Variants in TMEM167A observed in about 807,000 individuals in gnomAD.
TMEM167A encodes the protein protein kish-A.
In TMEM167A, 8 loss-of-function variants were observed where a neutral mutation model predicts 11.6. The observed-to-expected ratio is 0.69, with a 90% CI of 0.40 to 1.24. The LOEUF is 1.24. Ranked by LOEUF, TMEM167A falls within the 50% of genes most tolerant of loss-of-function variation. The pLI is 0.01. For synonymous variants in TMEM167A, 22 were observed against 28.0 expected (o/e 0.79, Z 0.67); for missense variants, 62 against 87.0 (o/e 0.71, Z 1.14).
At chr5:83,062,850 CTTT>C (rs76736747) in intron 2 of TMEM167A, among the ~76,000 whole-genome samples, 7 of 139,064 alleles carry the variant, frequency 5.0e-5, no homozygotes, top group Admixed American at 7.3e-5. Context: ...TTATAGTATA[CTTT>C]TTTTTTTTTT....
intron 1 of TMEM167A, among the ~76,000 whole-genome samples, chr5:83,075,419 T>G (rs535434026): frequency 6.6e-6 from 1 of 152,228 alleles, no homozygotes; most frequent in Non-Finnish European, 1.5e-5. Flanking sequence ...AAATTATTAC[T>G]GCTGATAAAC....
Position 83,077,376 on chromosome 5 carries a change from G to A in TMEM167A, c.-53C>T. 1.2e-6 allele frequency: 2 copies of A among 1,614,062 alleles called. No homozygotes were observed. The highest frequency in any genetic ancestry group is 2.2e-5 in the South Asian group (2 of 91,082). ...TCACCCTTCCGGGGCTCAGGCGGAA[G>A]AGGCTGCATGTCCCGTCTGCCCTTC... On this transcript the variant is annotated 5_prime_UTR_variant, in exon 1 of 4. Transcript: ENST00000502346.
chr5:83,063,771 G>A (rs1351965324), intron 2 of TMEM167A, among the ~76,000 whole-genome samples: 2 of 151,906 alleles, frequency 1.3e-5, no homozygotes, highest in African/African-American at 2.4e-5. Context: ...TAGTTATTAT[G>A]GCTAAATACC....
chr5:83,065,531 G>A lies in TMEM167A; in HGVS notation c.4-414C>T, dbSNP rs141782599. On this transcript the variant is annotated intron_variant, in intron 1 of 3. Transcript: ENST00000502346. ...TACTTTCACTGTTGGATTTTTAAAA[G>A]TTATTCATTACAGGTTGAACATCTC... Among the ~76,000 whole-genome samples the A allele has an allele frequency of 2.2e-4, 33 of 152,088 alleles. No homozygotes were observed. In the East Asian group the frequency reaches 6.2e-3, roughly 29 times the overall value.
chr5:83,053,947 C>G lies in TMEM167A; in HGVS notation c.*3137G>C, dbSNP rs1397374805. ...GAGGAAGAATCTGTGTGCCTATCTT[C>G]CTGTCTTCAGTGATGATATACTGAA... On this transcript the variant is annotated 3_prime_UTR_variant, in exon 4 of 4. Coordinates refer to ENST00000502346, the MANE Select transcript of TMEM167A (RefSeq NM_174909.5). The G allele has an allele frequency of 6.6e-6, 1 of 152,020 alleles. No homozygotes were observed. The allele number at this position is 152,020 out of a possible 1,614,324, so 9.4% of individuals were successfully genotyped here.
intron 3 of TMEM167A, 131 bp downstream of exon 3, chr5:83,061,746 C>A: frequency 1.1e-6 from 1 of 884,196 alleles, no homozygotes; most frequent in Non-Finnish European, 1.8e-6. Context: ...AACTTATAAA[C>A]TTTTGCGAAA....
At chr5:83,066,680 A>G (rs1460802982) in intron 1 of TMEM167A, among the ~76,000 whole-genome samples, 1 of 152,144 alleles carries the variant, frequency 6.6e-6, no homozygotes, top group Non-Finnish European at 1.5e-5. Context: ...CATCCCTACC[A>G]AAGCTCAGAT....
intron 1 of TMEM167A, among the ~76,000 whole-genome samples, chr5:83,066,769 G>A (rs1744487333): frequency 1.3e-5 from 2 of 152,048 alleles, no homozygotes; most frequent in Non-Finnish European, 2.9e-5. Flanking sequence ...CGGGGTGGTG[G>A]GGGGTAGATC....
In TMEM167A at chr5:83,057,063, A is replaced by G. The variant is rs759607174; in HGVS notation, c.*21T>C. ...TTCACAATCAAATCTGATGGCAACTACATTCTGGCATTTTCCCCAGCTACT... is the reference window on the plus strand; with the variant it reads ...TTCACAATCAAATCTGATGGCAACTGCATTCTGGCATTTTCCCCAGCTACT... On this transcript the variant is annotated 3_prime_UTR_variant, in exon 4 of 4. Transcript: ENST00000502346. 3.1e-6 allele frequency: 5 copies of G among 1,607,888 alleles called. No individual in the cohort carries two copies. In the Admixed American group the frequency reaches 6.7e-5, roughly 21 times the overall value.
At chr5:83,070,560 TCA>T (rs1415040417) in intron 1 of TMEM167A, among the ~76,000 whole-genome samples, 6 of 152,040 alleles carry the variant, frequency 3.9e-5, no homozygotes, top group Non-Finnish European at 5.9e-5. Flanking sequence ...TAAAAATAAT[TCA>T]CAGACTTTAT....
rs570989598 is a variant in TMEM167A, at chr5:83,061,689, C to T, written c.148+188G>A. Among the ~76,000 whole-genome samples, 8 of 152,334 alleles carry T rather than the reference C, an allele frequency of 5.3e-5. 1 individual carries two copies. The South Asian group carries it at 1.7e-3, about 32-fold the overall frequency. On this transcript the variant is annotated intron_variant, in intron 3 of 3. Coordinates refer to ENST00000502346, the MANE Select transcript of TMEM167A (RefSeq NM_174909.5). ...GGACTACAGGCGTGAGCCACCACGC[C>T]TGGCCCAAATGTGGTTTTAAATAGC...
At chr5:83,063,616 C>CA (rs1252639786) in intron 2 of TMEM167A, among the ~76,000 whole-genome samples, 1 of 152,006 alleles carries the variant, frequency 6.6e-6, no homozygotes, top group Non-Finnish European at 1.5e-5. Context: ...CTTGGTAACT[C>CA]AGAGACTTAG....
intron 1 of TMEM167A, among the ~76,000 whole-genome samples, chr5:83,076,909 T>C (rs1442324420): frequency 1.3e-5 from 2 of 152,112 alleles, no homozygotes; most frequent in Admixed American, 1.3e-4. Context: ...TGGAGTTTGG[T>C]GCCAAAAGAA....
chr5:83,071,968 C>T (rs896580442), intron 1 of TMEM167A, among the ~76,000 whole-genome samples: 1 of 152,170 alleles, frequency 6.6e-6, no homozygotes, highest in African/African-American at 2.4e-5. Context: ...ACCATTTGTT[C>T]TCACCAGTCA....
At position 83,053,922 on chromosome 5, in the gene TMEM167A, G is replaced by C. The variant is rs987641322; in HGVS notation, c.*3162C>G. The C allele has an allele frequency of 6.6e-6, 1 of 151,940 alleles. No individual in the cohort carries two copies. Among genetic ancestry groups the C allele is most frequent in the African/African-American group, 2.4e-5 (1 of 41,390 alleles). The allele number at this position is 151,940 out of a possible 1,614,324, so 9.4% of individuals were successfully genotyped here. A position where few individuals can be genotyped will look rare whatever the true frequency, so the allele number is the denominator to read the frequency against. ...CACCTAGTGCACTATGAATTACTAC[G>C]AGGAAGAATCTGTGTGCCTATCTTC... On this transcript the variant is annotated 3_prime_UTR_variant, in exon 4 of 4. Coordinates refer to ENST00000502346, the MANE Select transcript of TMEM167A (RefSeq NM_174909.5).
Position 83,054,681 on chromosome 5 carries a change from T to C in TMEM167A, c.*2403A>G, listed in dbSNP as rs1289404114. The C allele has an allele frequency of 1.3e-5, 2 of 152,030 alleles. No individual in the cohort carries two copies. The highest frequency in any genetic ancestry group is 6.6e-5 in the Admixed American group (1 of 15,224). 9.4% of individuals were successfully genotyped at this position (152,030 alleles called of 1,614,324 possible). On this transcript the variant is annotated 3_prime_UTR_variant, in exon 4 of 4. Transcript: ENST00000502346. ...AGGAACAACAGACACTGGGGCCTAC[T>C]TGAGGGTGGAGGGTGGGAGGAGGGA...
chr5:83,068,027 CATTTT>C (rs1744509156), intron 1 of TMEM167A, among the ~76,000 whole-genome samples: 1 of 152,096 alleles, frequency 6.6e-6, no homozygotes, highest in Non-Finnish European at 1.5e-5. Context: ...CAGTGATACA[CATTTT>C]ATAACATAAA....
intron 1 of TMEM167A, among the ~76,000 whole-genome samples, chr5:83,070,470 C>A (rs868780124): frequency 6.6e-6 from 1 of 152,070 alleles, no homozygotes. Context: ...TTACCCAAAC[C>A]GGAAGGATAT....
intron 1 of TMEM167A, among the ~76,000 whole-genome samples, chr5:83,075,329 T>TG (rs911300418): frequency 3.3e-5 from 5 of 152,122 alleles, no homozygotes; most frequent in African/African-American, 4.8e-5. Flanking sequence ...TGTTAGGTGT[T>TG]GGGGGGAACA....
Sources: allele counts gnomAD v4.1 joint callset (sites outside exome capture counted in the v4.1 genomes callset), GRCh38; gene constraint gnomAD v4.1.1; transcripts MANE v1.5; gene names NCBI Gene and HGNC (gene_info 2026-07-23, HGNC 2026-07-21).